Variants in ITSN2 observed in about 807,000 individuals in gnomAD.
The protein encoded by ITSN2 is intersectin-2.
In ITSN2, 156 loss-of-function variants were observed where a neutral mutation model predicts 243.7. The observed-to-expected ratio is 0.64, with a 90% CI of 0.56 to 0.73. The LOEUF (loss-of-function observed/expected upper bound fraction) is 0.73. ITSN2 is among the 30% of genes least tolerant of loss of function. The probability of loss-of-function intolerance (pLI) is 0.00; values close to 1 mark genes in which losing one functional copy is unlikely to be tolerated. For missense variants in ITSN2, 1,801 were observed against 1,996.1 expected (o/e 0.90, Z 1.86); for synonymous variants, 703 against 699.9 (o/e 1.00, Z -0.07).
At chr2:24,281,596 G>A (rs1288697590) in intron 17 of ITSN2, among the ~76,000 whole-genome samples, 1 of 152,192 alleles carries the variant, frequency 6.6e-6, no homozygotes, top group Non-Finnish European at 1.5e-5. Flanking sequence ...CATTGGTGAG[G>A]CAAAATCACA....
chr2:24,310,460 T>C, intron 6 of ITSN2, 29 bp downstream of exon 6: 1 of 1,609,722 alleles, frequency 6.2e-7, no homozygotes, highest in Non-Finnish European at 8.5e-7. Context: ...TTACATGAAA[T>C]AATGACTCTT....
chr2:24,206,602 T>C (rs895963376), intron 37 of ITSN2, among the ~76,000 whole-genome samples: 3 of 152,078 alleles, frequency 2.0e-5, no homozygotes, highest in East Asian at 1.9e-4. Context: ...ACAAAGACCA[T>C]TGCGGCTCCA....
chr2:24,227,869 AG>A (rs1225368518), intron 29 of ITSN2, among the ~76,000 whole-genome samples: 4 of 152,348 alleles, frequency 2.6e-5, no homozygotes, highest in Non-Finnish European at 5.9e-5. Flanking sequence ...TTGTGAGCCA[AG>A]ATCGTGCCAT....
chr2:24,274,487 T>C (rs370169401), intron 18 of ITSN2, among the ~76,000 whole-genome samples: 12 of 152,058 alleles, frequency 7.9e-5, no homozygotes, highest in African/African-American at 2.4e-4. Context: ...GGCAGGAGGA[T>C]TGCTTGAGCC....
intron 29 of ITSN2, among the ~76,000 whole-genome samples, chr2:24,231,889 T>G (rs1671636983): frequency 6.6e-6 from 1 of 152,218 alleles, no homozygotes; most frequent in Admixed American, 6.5e-5. Flanking sequence ...TGGTTTCCAG[T>G]TATACTGTAG....
At chr2:24,243,873 T>A (rs1363522063) in intron 29 of ITSN2, among the ~76,000 whole-genome samples, 1 of 152,204 alleles carries the variant, frequency 6.6e-6, no homozygotes, top group Non-Finnish European at 1.5e-5. Context: ...TAAATTAAAT[T>A]AAAAATTGAG....
rs778685638 is a variant in ITSN2, at chr2:24,204,372, G to A, written c.4809C>T (p.Tyr1603=). ...GTGTGTCCTGGATGGTCCTGGTGGT[G>A]TAGCTCTGGGAGCCCATGCTGATTT... ...YCEISMGSQS[Y]TTRTIQDTLN... The change falls in exon 39 of 40, where the codon TAC becomes TAT. Residue 1603 remains tyrosine (Y), a synonymous_variant. Coordinates refer to ENST00000355123, the MANE Select transcript of ITSN2 (RefSeq NM_006277.3). This position sits in a 1 kb window ranked among gnomAD's most constrained non-coding sequence, Gnocchi z 5.1. 6 of 1,614,220 alleles carry A rather than the reference G, an allele frequency of 3.7e-6. No individual in the cohort carries two copies. The highest frequency in any genetic ancestry group is 5.1e-6 in the Non-Finnish European group (6 of 1,180,030).
chr2:24,212,504 C>T (rs1472391411), intron 33 of ITSN2, 146 bp downstream of exon 33: 2 of 600,412 alleles, frequency 3.3e-6, no homozygotes, highest in Non-Finnish European at 5.8e-6. Context: ...GGCATCTGGT[C>T]CCCGGGACAG....
Position 24,298,700 on chromosome 2 carries a change from TAG to T in ITSN2, c.1457_1458del (p.Ser486Ter). The T allele has an allele frequency of 6.2e-7, 1 of 1,605,752 alleles. No homozygotes were observed. The highest frequency in any genetic ancestry group is 8.5e-7 in the Non-Finnish European group (1 of 1,177,910). On this transcript the variant is annotated frameshift_variant, in exon 13 of 40. Coordinates refer to ENST00000355123, the MANE Select transcript of ITSN2 (RefSeq NM_006277.3). LOFTEE classifies it high-confidence loss of function. ...REQEEIVRLN[S>X]KKKNLHLELE... is the part of the protein sequence containing the mutation. Reference sequence around the variant, plus strand: ...AACTCAAGATGAAGATTCTTCTTTTTAGAGTTTAACCTGACAATTTCTTCTTG... The same window carrying T: ...AACTCAAGATGAAGATTCTTCTTTTTAGTTTAACCTGACAATTTCTTCTTG...
intron 27 of ITSN2, 65 bp from the exon 28 acceptor site, chr2:24,246,958 C>T: frequency 8.9e-7 from 1 of 1,124,240 alleles, no homozygotes; most frequent in Non-Finnish European, 1.3e-6. Context: ...TGAGACATAA[C>T]TTAAAAATTA....
chr2:24,240,030 T>C (rs1672556707), intron 29 of ITSN2: 1 of 152,132 alleles, frequency 6.6e-6, no homozygotes, highest in Non-Finnish European at 1.5e-5. Context: ...TTTATATTTA[T>C]CAGTGTAAAA....
intron 36 of ITSN2, 97 bp from the exon 37 acceptor site, chr2:24,208,416 AC>A (rs1669137590): frequency 3.4e-6 from 3 of 889,370 alleles, no homozygotes; most frequent in Non-Finnish European, 5.4e-6. Flanking sequence ...TCTTTTGCTA[AC>A]CTCAACTTTC....
chr2:24,347,235 T>C (rs150629248), intron 1 of ITSN2, among the ~76,000 whole-genome samples: 23 of 152,072 alleles, frequency 1.5e-4, no homozygotes, highest in Non-Finnish European at 2.8e-4. Flanking sequence ...TTTACCAATA[T>C]TAGAAAAAAT....
chr2:24,209,989 CT>C lies in ITSN2; in HGVS notation c.4301del (p.Lys1434SerfsTer62). On this transcript the variant is annotated frameshift_variant, in exon 35 of 40. Coordinates refer to ENST00000355123, the MANE Select transcript of ITSN2 (RefSeq NM_006277.3). LOFTEE classifies it high-confidence loss of function. ...TGTATAATTTCCCACTGTGTAAGAG[CT>C]TCCGGGGCCCCAGGCAGTTGGTGAG... ...NSLTNCLGPRKLLHSGKLYKT... is the reference protein window; with the variant it reads ...NSLTNCLGPRXLLHSGKLYKT... 6.2e-7 allele frequency: 1 copy of C among 1,614,142 alleles called. No individual in the cohort carries two copies. Among genetic ancestry groups the C allele is most frequent in the Non-Finnish European group, 8.5e-7 (1 of 1,180,006 alleles).
chr2:24,217,237 A>G (rs1342812317), intron 31 of ITSN2, among the ~76,000 whole-genome samples: 1 of 135,496 alleles, frequency 7.4e-6, no homozygotes, highest in Non-Finnish European at 1.6e-5. Context: ...CGACACAGTG[A>G]GACTCCATCT....
chr2:24,300,889 C>G (rs1315918195), intron 11 of ITSN2, among the ~76,000 whole-genome samples: 1 of 152,112 alleles, frequency 6.6e-6, no homozygotes, highest in Non-Finnish European at 1.5e-5. Flanking sequence ...CCTCTAATAA[C>G]TCAGCCTAAA....
At chr2:24,254,786 AAT>A (rs1248094025) in intron 23 of ITSN2, among the ~76,000 whole-genome samples, 1 of 152,198 alleles carries the variant, frequency 6.6e-6, no homozygotes, top group Admixed American at 6.5e-5. Flanking sequence ...AAATAAAGGC[AAT>A]ATATACATTT....
intron 20 of ITSN2, among the ~76,000 whole-genome samples, chr2:24,270,417 T>C (rs993150813): frequency 1.3e-5 from 2 of 152,210 alleles, no homozygotes; most frequent in African/African-American, 4.8e-5. Flanking sequence ...AACACATAAC[T>C]GCATCCCATT....
intron 1 of ITSN2, among the ~76,000 whole-genome samples, chr2:24,338,346 T>C (rs1380784686): frequency 2.0e-5 from 3 of 152,210 alleles, no homozygotes; most frequent in South Asian, 2.1e-4. Context: ...CCCACCTTTC[T>C]GGATGGAACC....
Sources: gnomAD v4.1 joint callset for allele counts (sites outside exome capture counted in the v4.1 genomes callset) on GRCh38, gnomAD v4.1.1 for gene constraint, Gnocchi (gnomAD v3.1) non-coding constraint, MANE v1.5 for transcripts, NCBI Gene and HGNC (gene_info 2026-07-23, HGNC 2026-07-21) for gene names.